The following CACHD1 variants were observed in gnomAD, a reference collection of about 807,000 sequenced individuals.
CACHD1 encodes the protein VWFA and cache domain-containing protein 1.
A neutral mutation model predicts 138.7 loss-of-function variants in CACHD1; 71 were observed. The ratio of observed to expected loss-of-function variants is 0.51; its 90% CI spans 0.42 to 0.62. CACHD1 has a LOEUF of 0.62. CACHD1 is among the 20% of genes least tolerant of loss of function. CACHD1 has a pLI of 0.00. For missense variants in CACHD1, 1,389 were observed against 1,625.3 expected, an observed-to-expected ratio of 0.85 and a Z score of 2.50; for synonymous variants, 578 against 591.5, an observed-to-expected ratio of 0.98 and a Z score of 0.33.
chr1:64,676,332 T>C (rs1649990669), intron 21 of CACHD1, among the ~76,000 whole-genome samples: 1 of 152,214 alleles, frequency 6.6e-6, no homozygotes, highest in Non-Finnish European at 1.5e-5. Flanking sequence ...CTGTGATAAA[T>C]ATGCAAGTGT....
intron 1 of CACHD1, among the ~76,000 whole-genome samples, chr1:64,535,997 A>G (rs1646630118): frequency 6.6e-6 from 1 of 152,186 alleles, no homozygotes; most frequent in Admixed American, 6.5e-5. Context: ...CACGTAGGTA[A>G]TAACTAATTA....
intron 1 of CACHD1, among the ~76,000 whole-genome samples, chr1:64,544,190 G>C (rs1443398474): frequency 6.6e-6 from 1 of 152,060 alleles, no homozygotes; most frequent in Non-Finnish European, 1.5e-5. Context: ...CCCATAAATA[G>C]CAAGAGAATA....
intron 13 of CACHD1, among the ~76,000 whole-genome samples, chr1:64,659,191 C>T (rs1292200520): frequency 6.6e-6 from 1 of 152,118 alleles, no homozygotes; most frequent in Non-Finnish European, 1.5e-5. Flanking sequence ...TCAGCCTGGT[C>T]TTCTAGGGGG....
intron 4 of CACHD1, among the ~76,000 whole-genome samples, chr1:64,612,219 G>A (rs945137538): frequency 3.3e-5 from 5 of 152,074 alleles, no homozygotes; most frequent in Non-Finnish European, 7.4e-5. Flanking sequence ...AACCATAAAA[G>A]CATAATTCAA....
At chr1:64,643,165 C>A (rs1410164590) in intron 8 of CACHD1, among the ~76,000 whole-genome samples, 1 of 147,932 alleles carries the variant, frequency 6.8e-6, no homozygotes, top group East Asian at 2.1e-4. Flanking sequence ...GGTTCAGGGA[C>A]AGTGGGCCTC....
intron 1 of CACHD1, among the ~76,000 whole-genome samples, chr1:64,515,766 G>A (rs1217997259): frequency 6.6e-6 from 1 of 152,154 alleles, no homozygotes; most frequent in African/African-American, 2.4e-5. Flanking sequence ...GTGGTCTGAA[G>A]TGGTGTGCAG....
In CACHD1 at chr1:64,540,064, G is replaced by A. The variant is rs560024807; in HGVS notation, c.199-10530G>A. 3.5e-4 allele frequency among the ~76,000 whole-genome samples: 53 copies of A among 152,228 alleles called. No individual in the cohort carries two copies. In the South Asian group the frequency reaches 7.1e-3, roughly 20 times the overall value. ...CTTTAGAAAGGACTTGATTGATTGC[G>A]TGAGACAGTAATTAAACATCAGTCA... On this transcript the variant is annotated intron_variant, in intron 1 of 26. Transcript: ENST00000651257.
At chr1:64,571,959 C>T (rs1557499382) in intron 2 of CACHD1, among the ~76,000 whole-genome samples, 1 of 152,102 alleles carries the variant, frequency 6.6e-6, no homozygotes, top group Non-Finnish European at 1.5e-5. Context: ...ATTTGAAATG[C>T]GTCTATGTTA....
chr1:64,602,744 A>G, intron 3 of CACHD1, 62 bp from the exon 4 acceptor site: 1 of 1,016,936 alleles, frequency 9.8e-7, no homozygotes, highest in Non-Finnish European at 1.6e-6. Flanking sequence ...GTAAACCATT[A>G]TTTTTGTTGG....
At chr1:64,627,336 G>A (rs989654459) in intron 4 of CACHD1, among the ~76,000 whole-genome samples, 1 of 152,188 alleles carries the variant, frequency 6.6e-6, no homozygotes, top group African/African-American at 2.4e-5. Flanking sequence ...GAGCCCAGGA[G>A]ATCAAGGCTG....
At chr1:64,530,491 T>C (rs913846609) in intron 1 of CACHD1, among the ~76,000 whole-genome samples, 6 of 152,198 alleles carry the variant, frequency 3.9e-5, no homozygotes, top group African/African-American at 7.2e-5. Context: ...TTTAGCCTTA[T>C]TTACCTGGTC....
intron 4 of CACHD1, among the ~76,000 whole-genome samples, chr1:64,623,981 A>G (rs1443033982): frequency 6.6e-6 from 1 of 152,198 alleles, no homozygotes; most frequent in Non-Finnish European, 1.5e-5. Flanking sequence ...TCCGGTGGCT[A>G]GACACCTAAC....
At chr1:64,646,386 G>T (rs376228297) in intron 8 of CACHD1, among the ~76,000 whole-genome samples, 1 of 152,118 alleles carries the variant, frequency 6.6e-6, no homozygotes, top group Non-Finnish European at 1.5e-5. Flanking sequence ...CTTTAGCATT[G>T]CATGAGTGGA....
intron 4 of CACHD1, among the ~76,000 whole-genome samples, chr1:64,620,288 A>T (rs1272091741): frequency 1.3e-5 from 2 of 152,152 alleles, no homozygotes; most frequent in African/African-American, 2.4e-5. Flanking sequence ...CCCTACCTAC[A>T]TGTAGCTGTT....
At chr1:64,514,424 C>T (rs1646444076) in intron 1 of CACHD1, among the ~76,000 whole-genome samples, 1 of 152,268 alleles carries the variant, frequency 6.6e-6, no homozygotes, top group South Asian at 2.1e-4. Flanking sequence ...AGGACTCTTG[C>T]CAGCTTGACT....
intron 1 of CACHD1, among the ~76,000 whole-genome samples, chr1:64,537,210 G>C (rs777510101): frequency 2.0e-5 from 3 of 151,992 alleles, no homozygotes; most frequent in Non-Finnish European, 4.4e-5. Flanking sequence ...TCTCTTTAAA[G>C]GTTAGCCGAT....
At chr1:64,681,982 T>G (rs1650206377) in intron 25 of CACHD1, 23 bp from the exon 26 acceptor site, 1 of 1,604,806 alleles carries the variant, frequency 6.2e-7, no homozygotes, top group African/African-American at 1.3e-5. Flanking sequence ...AGAGTGACAT[T>G]AACTGTCCTT....
intron 1 of CACHD1, among the ~76,000 whole-genome samples, chr1:64,536,345 A>T (rs776141570): frequency 5.3e-5 from 8 of 152,108 alleles, no homozygotes; most frequent in Non-Finnish European, 7.4e-5. Flanking sequence ...TGCTCTTTCC[A>T]CTACACAATG....
At chr1:64,626,138 AT>A (rs1295617487) in intron 4 of CACHD1, among the ~76,000 whole-genome samples, 1 of 152,242 alleles carries the variant, frequency 6.6e-6, no homozygotes, top group African/African-American at 2.4e-5. Context: ...ATTGTTAACA[AT>A]TAGCCTAAAA....
Sources: gnomAD v4.1 joint callset for allele counts (sites outside exome capture counted in the v4.1 genomes callset) on GRCh38, gnomAD v4.1.1 for gene constraint, MANE v1.5 for transcripts, NCBI Gene and HGNC (gene_info 2026-07-23, HGNC 2026-07-21) for gene names.